The following CLPB variants were observed in gnomAD, a reference collection of about 807,000 sequenced individuals.
The protein encoded by CLPB is ClpB family mitochondrial disaggregase.
In CLPB, 40 loss-of-function variants were observed where a neutral mutation model predicts 78.4. The observed-to-expected ratio is 0.51, with a 90% CI of 0.40 to 0.66. CLPB has a LOEUF of 0.66. CLPB is among the 30% of genes least tolerant of loss of function. The pLI, the probability that CLPB is intolerant of heterozygous loss-of-function variation, is 0.00. For missense variants in CLPB, 780 were observed against 886.9 expected, an observed-to-expected ratio of 0.88 and a Z score of 1.53; for synonymous variants, 333 against 348.0, an observed-to-expected ratio of 0.96 and a Z score of 0.48.
Position 72,434,235 on chromosome 11 carries a change from G to T in CLPB, c.240C>A (p.Thr80=). 1 of 1,613,606 alleles carries T rather than the reference G, an allele frequency of 6.2e-7. No individual in the cohort carries two copies. The highest frequency in any genetic ancestry group is 8.5e-7 in the Non-Finnish European group (1 of 1,179,992). ...TGGRQGGRFD[T]KCLAAATWGR... ...CCCAAGTGGCAGCCGCGAGGCATTT[G>T]GTATCGAAGCGTCCTCCCTGGCGCC... Residue 80 remains threonine, a synonymous_variant, in exon 1 of 16, where the codon ACC becomes ACA. Transcript: ENST00000538039.
intron 4 of CLPB, 59 bp from the exon 5 acceptor site, chr11:72,359,067 C>T (rs1950783333): frequency 1.2e-6 from 2 of 1,608,766 alleles, no homozygotes; most frequent in East Asian, 2.2e-5. Context: ...CCACCAATCT[C>T]ACCTGTTTTC....
intron 4 of CLPB, among the ~76,000 whole-genome samples, chr11:72,366,137 G>A (rs1950937794): frequency 6.6e-6 from 1 of 152,180 alleles, no homozygotes; most frequent in African/African-American, 2.4e-5. Flanking sequence ...TAGAATGGGA[G>A]AAAATATTTT....
Position 72,293,515 on chromosome 11 carries a change from T to G in CLPB, c.1886A>C (p.Gln629Pro). Residue 629 changes from glutamine to proline, a missense_variant, in exon 16 of 16, where the codon CAG (glutamine) becomes CCG (proline). By Grantham distance (76) the Gln-to-Pro change is moderately conservative (BLOSUM62 -1). Transcript: ENST00000538039. ...LRITVEDSDK[Q>P]LLKSPELPSP... ...GGGCAGTTCTGGGCTTTTGAGTAGC[T>G]GCTTGTCTGAGTCCTCCACCGTGAT... 2 of 1,614,164 alleles carry G rather than the reference T, an allele frequency of 1.2e-6. No individual in the cohort carries two copies. The highest frequency in any genetic ancestry group is 1.3e-5 in the African/African-American group (1 of 75,044).
At chr11:72,360,627 G>A (rs1000647024) in intron 4 of CLPB, among the ~76,000 whole-genome samples, 3 of 151,984 alleles carry the variant, frequency 2.0e-5, no homozygotes, top group Non-Finnish European at 2.9e-5. Context: ...AGTAGAGATG[G>A]GGTTTCACCA....
At chr11:72,391,062 T>C (rs1322464317) in intron 3 of CLPB, among the ~76,000 whole-genome samples, 1 of 152,200 alleles carries the variant, frequency 6.6e-6, no homozygotes, top group Non-Finnish European at 1.5e-5. Context: ...TCTCTTTTAT[T>C]TACATATTAA....
chr11:72,308,744 T>A, intron 7 of CLPB, 140 bp from the exon 8 acceptor site: 1 of 747,220 alleles, frequency 1.3e-6, no homozygotes. Context: ...CCATTAGTGC[T>A]GCCTAATCTG....
intron 4 of CLPB, among the ~76,000 whole-genome samples, chr11:72,360,112 T>G (rs1219695487): frequency 6.6e-6 from 1 of 152,222 alleles, no homozygotes; most frequent in Non-Finnish European, 1.5e-5. Context: ...GCAATGGAGC[T>G]TCTTTCTAGC....
At chr11:72,414,744 A>C (rs1855972134) in intron 2 of CLPB, among the ~76,000 whole-genome samples, 1 of 152,208 alleles carries the variant, frequency 6.6e-6, no homozygotes. Context: ...AGGTGCTCAG[A>C]GATGTTTACA....
At chr11:72,376,590 C>T (rs1382342750) in intron 4 of CLPB, among the ~76,000 whole-genome samples, 1 of 150,610 alleles carries the variant, frequency 6.6e-6, no homozygotes, top group Non-Finnish European at 1.5e-5. Context: ...GTAGAGAGAT[C>T]TTGCAAGCCA....
intron 9 of CLPB, among the ~76,000 whole-genome samples, chr11:72,306,885 C>CA (rs1245351714): frequency 6.6e-6 from 1 of 152,228 alleles, no homozygotes; most frequent in African/African-American, 2.4e-5. Context: ...TCTAGTACAA[C>CA]ACCTGGCATG....
intron 2 of CLPB, among the ~76,000 whole-genome samples, chr11:72,414,929 A>C (rs1855977107): frequency 6.6e-6 from 1 of 152,168 alleles, no homozygotes; most frequent in Non-Finnish European, 1.5e-5. Flanking sequence ...TTAAGATTAC[A>C]AGGCCAGGCT....
At chr11:72,417,117 C>A (rs937274009) in intron 2 of CLPB, among the ~76,000 whole-genome samples, 2 of 152,192 alleles carry the variant, frequency 1.3e-5, no homozygotes, top group Admixed American at 1.3e-4. Flanking sequence ...GAAATCTGTA[C>A]ACGAATGTTC....
intron 3 of CLPB, among the ~76,000 whole-genome samples, chr11:72,387,879 A>G (rs1855130219): frequency 6.6e-6 from 1 of 152,166 alleles, no homozygotes; most frequent in Non-Finnish European, 1.5e-5. Flanking sequence ...AAAGGGACGT[A>G]ATTTGGTTAA....
At chr11:72,353,518 C>G (rs1950652050) in intron 5 of CLPB, among the ~76,000 whole-genome samples, 2 of 152,346 alleles carry the variant, frequency 1.3e-5, no homozygotes, top group Non-Finnish European at 2.9e-5. Context: ...AAAGACACCA[C>G]ATCTCCCAAA....
At chr11:72,404,453 AG>A (rs1855646675) in intron 2 of CLPB, among the ~76,000 whole-genome samples, 1 of 152,260 alleles carries the variant, frequency 6.6e-6, no homozygotes, top group South Asian at 2.1e-4. Flanking sequence ...CAGGTAACTA[AG>A]GCTTGAGAGG....
In CLPB at chr11:72,409,141, G is replaced by A. The variant is rs552717670; in HGVS notation, c.456-6089C>T. 2.6e-5 allele frequency among the ~76,000 whole-genome samples: 4 copies of A among 152,326 alleles called. No individual in the cohort carries two copies. The South Asian group carries it at 8.3e-4, about 32-fold the overall frequency. On this transcript the variant is annotated intron_variant, in intron 2 of 15. Coordinates refer to ENST00000538039, the MANE Select transcript of CLPB (RefSeq NM_001258392.3). ...TGTGTCCAGGGGCTAGAGAGGCAGG[G>A]TGGGCATAGTGGGCCTTTCTGGGCT...
chr11:72,293,293 T>G lies in CLPB; in HGVS notation c.*74A>C, dbSNP rs975580184. On this transcript the variant is annotated 3_prime_UTR_variant, in exon 16 of 16. Coordinates refer to ENST00000538039, the MANE Select transcript of CLPB (RefSeq NM_001258392.3). ...AGATGGGAGCGGCATGAGGGGAAGGTAAGTCAGTTGCCATGCCACAGCCAA... is the reference window on the plus strand; with the variant it reads ...AGATGGGAGCGGCATGAGGGGAAGGGAAGTCAGTTGCCATGCCACAGCCAA... The G allele has an allele frequency of 6.4e-7, 1 of 1,553,136 alleles. No homozygotes were observed. The highest frequency in any genetic ancestry group is 8.8e-7 in the Non-Finnish European group (1 of 1,140,554).
intron 2 of CLPB, among the ~76,000 whole-genome samples, chr11:72,421,585 T>C (rs1427518308): frequency 1.3e-5 from 2 of 152,156 alleles, no homozygotes; most frequent in African/African-American, 4.8e-5. Flanking sequence ...CCGAGGAAAC[T>C]GAGAGACTAG....
chr11:72,408,623 C>A (rs182634543), intron 2 of CLPB, among the ~76,000 whole-genome samples: 214 of 148,498 alleles, frequency 1.4e-3, no homozygotes, highest in Non-Finnish European at 2.6e-3. Flanking sequence ...GCCAAGATTG[C>A]GCCACTGCAC....
Sources: gnomAD v4.1 joint callset for allele counts (sites outside exome capture counted in the v4.1 genomes callset) on GRCh38, gnomAD v4.1.1 for gene constraint, MANE v1.5 for transcripts, NCBI Gene and HGNC (gene_info 2026-07-23, HGNC 2026-07-21) for gene names.